BLTP3A: variants seen among roughly 807,000 people sequenced by gnomAD.
BLTP3A encodes ICBP90 binding protein 1.
At chr6:34,844,963 C>G in the BLTP3A span, among the ~76,000 whole-genome samples, 1 of 152,138 alleles carries the variant, frequency 6.6e-6, no homozygotes, top group African/African-American at 2.4e-5. Context: ...CCAGTGTTTT[C>G]TTGTAGTAGT....
chr6:34,835,381 A>G, the BLTP3A span: 4 of 1,614,058 alleles, frequency 2.5e-6, no homozygotes, highest in East Asian at 2.2e-5. Flanking sequence ...GCTCAAGGCT[A>G]TGATGAAGTA....
chr6:34,812,513 C>T, the BLTP3A span, among the ~76,000 whole-genome samples: 1 of 152,156 alleles, frequency 6.6e-6, no homozygotes, highest in African/African-American at 2.4e-5. Flanking sequence ...CTCTGTTGCT[C>T]AGGCTGGAGT....
At chr6:34,827,768 A>C in the BLTP3A span, among the ~76,000 whole-genome samples, 22,174 of 151,960 alleles carry the variant, frequency 0.15, 1,973 homozygotes, top group African/African-American at 0.25. Flanking sequence ...AGTAGCTGGG[A>C]TTATGGGCGC....
the BLTP3A span, chr6:34,870,778 T>C: frequency 4.0e-6 from 6 of 1,512,878 alleles, no homozygotes; most frequent in Non-Finnish European, 4.5e-6. Context: ...AGGGTTATTA[T>C]GAATATTGGT....
At chr6:34,819,547 T>TA in the BLTP3A span, among the ~76,000 whole-genome samples, 1 of 152,140 alleles carries the variant, frequency 6.6e-6, no homozygotes, top group South Asian at 2.1e-4. Flanking sequence ...TTGAAGAGCT[T>TA]AATTTAATTG....
At chr6:34,794,790 GT>G in the BLTP3A span, among the ~76,000 whole-genome samples, 30,969 of 145,428 alleles carry the variant, frequency 0.21, 3,421 homozygotes, top group East Asian at 0.44. Context: ...GAGTTTTTTT[GT>G]TTTTTTTTTT....
the BLTP3A span, chr6:34,856,837 C>A: frequency 1.2e-6 from 2 of 1,614,072 alleles, no homozygotes; most frequent in South Asian, 2.2e-5. Flanking sequence ...AAGCCCCTCT[C>A]AGGGCAGACA....
At chr6:34,865,466 C>T in the BLTP3A span, among the ~76,000 whole-genome samples, 1 of 152,162 alleles carries the variant, frequency 6.6e-6, no homozygotes, top group Non-Finnish European at 1.5e-5. Context: ...AAGTTGATCC[C>T]ATAACTTGGC....
At chr6:34,831,839 G>A in the BLTP3A span, among the ~76,000 whole-genome samples, 1 of 151,976 alleles carries the variant, frequency 6.6e-6, no homozygotes, top group Non-Finnish European at 1.5e-5. Flanking sequence ...CTTTTGAGAC[G>A]GAGCCTCGCT....
the BLTP3A span, chr6:34,872,529 A>C: frequency 6.9e-7 from 1 of 1,445,440 alleles, no homozygotes; most frequent in South Asian, 1.6e-5. Flanking sequence ...GTGCTGAATA[A>C]GTCACTACGG....
At chr6:34,865,358 T>C in the BLTP3A span, among the ~76,000 whole-genome samples, 2 of 152,226 alleles carry the variant, frequency 1.3e-5, no homozygotes, top group African/African-American at 4.8e-5. Flanking sequence ...ATCTACGTTA[T>C]CACAAATGAC....
chr6:34,814,466 C>T, the BLTP3A span, among the ~76,000 whole-genome samples: 2 of 152,146 alleles, frequency 1.3e-5, no homozygotes, highest in Non-Finnish European at 2.9e-5. Flanking sequence ...AGTGAAAAAG[C>T]GTATATATGT....
chr6:34,805,735 C>CAA, the BLTP3A span, among the ~76,000 whole-genome samples: 137 of 73,450 alleles, frequency 1.9e-3, 1 homozygote, highest in East Asian at 0.01. Context: ...GACCCTATCT[C>CAA]AAAAAAAAAA....
At chr6:34,830,394 C>A in the BLTP3A span, among the ~76,000 whole-genome samples, 1 of 151,952 alleles carries the variant, frequency 6.6e-6, no homozygotes, top group Non-Finnish European at 1.5e-5. Context: ...CGAGACCAGC[C>A]TGGCCAACAT....
chr6:34,862,375 CA>C, the BLTP3A span, among the ~76,000 whole-genome samples: 58 of 136,976 alleles, frequency 4.2e-4, no homozygotes, highest in Middle Eastern at 4.2e-3. Context: ...GACTCCGTCT[CA>C]AAAAAAAAAA....
chr6:34,795,080 C>G, the BLTP3A span, among the ~76,000 whole-genome samples: 5 of 151,220 alleles, frequency 3.3e-5, no homozygotes, highest in African/African-American at 1.2e-4. Context: ...AGCCACCACG[C>G]CTAGCCTTGT....
chr6:34,823,487 A>AC, the BLTP3A span: 3 of 625,342 alleles, frequency 4.8e-6, no homozygotes, highest in African/African-American at 5.6e-5. Context: ...ACCTCCATAT[A>AC]CCCAAGATCT....
At chr6:34,859,515 G>T in the BLTP3A span, 4 of 1,614,098 alleles carry the variant, frequency 2.5e-6, no homozygotes, top group African/African-American at 2.7e-5. Flanking sequence ...CCTTCAGTTT[G>T]GGCAGAGATC....
At chr6:34,834,067 A>G in the BLTP3A span, 2 of 803,588 alleles carry the variant, frequency 2.5e-6, no homozygotes, top group Non-Finnish European at 1.9e-6. Context: ...ATGCCGCTGT[A>G]CTCCAGCTTG....
Sources: gnomAD v4.1 joint callset for allele counts (sites outside exome capture counted in the v4.1 genomes callset) on GRCh38, gnomAD v4.1.1 for gene constraint, MANE v1.5 for transcripts, NCBI Gene and HGNC (gene_info 2026-07-23, HGNC 2026-07-21) for gene names.